The following SLC13A3 variants were observed in gnomAD, a reference collection of about 807,000 sequenced individuals.
SLC13A3 encodes the protein solute carrier family 13 member 3.
Under a neutral mutation model 59.0 loss-of-function variants are expected in SLC13A3, and 40 were observed. That is an observed-to-expected ratio of 0.68 (90% CI 0.53 to 0.88). SLC13A3 has a LOEUF of 0.88. SLC13A3 is among the 40% of genes least tolerant of loss of function. The pLI is 0.00. For synonymous variants in SLC13A3, 317 were observed against 330.3 expected, an observed-to-expected ratio of 0.96 and a Z score of 0.44; for missense variants, 699 against 783.2, an observed-to-expected ratio of 0.89 and a Z score of 1.28.
At chr20:46,599,276 C>G (rs2062348177) in intron 4 of SLC13A3, among the ~76,000 whole-genome samples, 1 of 152,252 alleles carries the variant, frequency 6.6e-6, no homozygotes, top group Admixed American at 6.5e-5. Flanking sequence ...TAGACCGGAT[C>G]AATGCCCAGC....
intron 10 of SLC13A3, among the ~76,000 whole-genome samples, chr20:46,571,625 A>G (rs1021123637): frequency 6.6e-6 from 1 of 152,140 alleles, no homozygotes; most frequent in Non-Finnish European, 1.5e-5. Flanking sequence ...TAAGACAGAC[A>G]TGGTCTCTGC....
intron 8 of SLC13A3, among the ~76,000 whole-genome samples, chr20:46,586,755 C>T (rs2122658086): frequency 6.6e-6 from 1 of 152,354 alleles, no homozygotes; most frequent in Admixed American, 6.5e-5. Context: ...TTGACTGCTA[C>T]ATTGCCATTG....
At chr20:46,568,923 C>T (rs540694833) in intron 10 of SLC13A3, among the ~76,000 whole-genome samples, 11 of 152,302 alleles carry the variant, frequency 7.2e-5, no homozygotes, top group African/African-American at 1.9e-4. Context: ...GAGAGGAAAA[C>T]GCCTGTTGCG....
chr20:46,677,763 C>T (rs949865384), intron 1 of SLC13A3, among the ~76,000 whole-genome samples: 8 of 152,090 alleles, frequency 5.3e-5, no homozygotes, highest in Non-Finnish European at 8.8e-5. Context: ...AGAAGAACAA[C>T]GGGACCAGCG....
chr20:46,651,893 A>T (rs1241401143), upstream of SLC13A3, among the ~76,000 whole-genome samples: 9 of 152,224 alleles, frequency 5.9e-5, no homozygotes, highest in African/African-American at 2.2e-4. Context: ...TACACCATGG[A>T]ATACTATGCA....
intron 6 of SLC13A3, among the ~76,000 whole-genome samples, chr20:46,592,051 T>TA (rs887740014): frequency 1.9e-4 from 28 of 148,244 alleles, no homozygotes; most frequent in Middle Eastern, 3.5e-3. Context: ...TACAAAAAAT[T>TA]AAAAAAAAAA....
At chr20:46,634,118 A>G (rs1398749819) in intron 1 of SLC13A3, among the ~76,000 whole-genome samples, 1 of 152,194 alleles carries the variant, frequency 6.6e-6, no homozygotes, top group South Asian at 2.1e-4. Flanking sequence ...TGCTGATTAA[A>G]GCCCTTTACA....
At chr20:46,663,963 G>A (rs929252448) in intron 1 of SLC13A3, among the ~76,000 whole-genome samples, 57 of 152,350 alleles carry the variant, frequency 3.7e-4, no homozygotes, top group African/African-American at 1.3e-3. Context: ...TGTCGACAAT[G>A]TGAGTGTATT....
chr20:46,626,796 ATGCTAAG>A (rs1399436295), intron 1 of SLC13A3, among the ~76,000 whole-genome samples: 7 of 134,260 alleles, frequency 5.2e-5, no homozygotes, highest in Admixed American at 3.1e-4. Flanking sequence ...GGCCTGTAAA[ATGCTAAG>A]TGGTGGGCTC....
chr20:46,566,754 TA>T (rs2061984725), intron 10 of SLC13A3, among the ~76,000 whole-genome samples: 1 of 151,900 alleles, frequency 6.6e-6, no homozygotes, highest in Non-Finnish European at 1.5e-5. Flanking sequence ...TGAAGGTTAT[TA>T]ATTACCCAAA....
intron 1 of SLC13A3, among the ~76,000 whole-genome samples, chr20:46,650,398 T>C (rs1290763601): frequency 6.6e-6 from 1 of 152,140 alleles, no homozygotes; most frequent in Non-Finnish European, 1.5e-5. Flanking sequence ...ATCTTTCCCC[T>C]CTGAGACGCG....
intron 3 of SLC13A3, among the ~76,000 whole-genome samples, chr20:46,603,448 CACAACA>C: frequency 6.6e-6 from 1 of 151,912 alleles, no homozygotes; most frequent in Non-Finnish European, 1.5e-5. Flanking sequence ...GATCACAGCT[CACAACA>C]GCCTCGACAT....
upstream of SLC13A3, among the ~76,000 whole-genome samples, chr20:46,653,366 G>T (rs1369856477): frequency 2.0e-4 from 31 of 152,176 alleles, no homozygotes; most frequent in Admixed American, 2.0e-3. Context: ...TCTCACAGAA[G>T]TGTCCAAGGA....
chr20:46,626,490 C>T (rs1316803384), intron 1 of SLC13A3, among the ~76,000 whole-genome samples: 2 of 152,052 alleles, frequency 1.3e-5, no homozygotes, highest in Non-Finnish European at 2.9e-5. Flanking sequence ...AATCCTTGGC[C>T]CACTTGGGGT....
chr20:46,601,110 G>C (rs888605758), intron 3 of SLC13A3, among the ~76,000 whole-genome samples: 5 of 152,134 alleles, frequency 3.3e-5, no homozygotes, highest in African/African-American at 1.2e-4. Context: ...TATAGGAAAG[G>C]CCTAGGGGAG....
intron 10 of SLC13A3, among the ~76,000 whole-genome samples, chr20:46,572,118 G>T (rs1179553467): frequency 6.6e-6 from 1 of 152,118 alleles, no homozygotes; most frequent in Non-Finnish European, 1.5e-5. Context: ...AGTTGCTGAG[G>T]CTCAGAGTAA....
At chr20:46,582,890 A>C in intron 9 of SLC13A3, 2 of 985,364 alleles carry the variant, frequency 2.0e-6, no homozygotes, top group Non-Finnish European at 2.4e-6. Context: ...CAAGCTGGCA[A>C]TCTGAAGGCC....
chr20:46,568,401 CAAAAAAAAAAAAAAAA>C (rs66526539), intron 10 of SLC13A3, among the ~76,000 whole-genome samples: 1 of 58,696 alleles, frequency 1.7e-5, no homozygotes, highest in East Asian at 4.4e-4. Context: ...GACTCCATCT[CAAAAAAAAAAAAAAAA>C]AAAAAAAAAA....
At chr20:46,622,857 T>C (rs990757929) in intron 1 of SLC13A3, among the ~76,000 whole-genome samples, 1 of 152,230 alleles carries the variant, frequency 6.6e-6, no homozygotes. Context: ...TTTGATGATT[T>C]CAAGTAACCA....
Sources: allele counts gnomAD v4.1 joint callset (sites outside exome capture counted in the v4.1 genomes callset), GRCh38; gene constraint gnomAD v4.1.1; transcripts MANE v1.5; gene names NCBI Gene and HGNC (gene_info 2026-07-23, HGNC 2026-07-21).